The following AFF2 variants were observed in gnomAD, a reference collection of about 807,000 sequenced individuals.
AFF2 encodes the protein ALF transcription elongation factor 2.
Under a neutral mutation model 76.9 loss-of-function variants are expected in AFF2, and 14 were observed. That is an observed-to-expected ratio of 0.18 (90% CI 0.12 to 0.28). AFF2 has a LOEUF of 0.28. AFF2 is among the 10% of genes least tolerant of loss of function. The pLI, the probability that AFF2 is intolerant of heterozygous loss-of-function variation, is 1.00. For missense variants in AFF2, 868 were observed against 1,001.1 expected, an observed-to-expected ratio of 0.87 and a Z score of 1.79; for synonymous variants, 398 against 366.7, an observed-to-expected ratio of 1.09 and a Z score of -0.98.
chrX:148,815,646 T>A (rs1411644371), intron 4 of AFF2, among the ~76,000 whole-genome samples: 1 of 111,208 alleles, frequency 9.0e-6, no homozygotes, highest in Non-Finnish European at 1.9e-5. Flanking sequence ...GGTTTGCAGC[T>A]AATATATGAG....
chrX:148,694,063 G>A (rs897749722), intron 3 of AFF2, among the ~76,000 whole-genome samples: 6 of 106,775 alleles, frequency 5.6e-5, no homozygotes, highest in African/African-American at 1.7e-4. Context: ...GTAAACTATC[G>A]CAAGAACAAA....
At chrX:148,861,373 T>G (rs1455061847) in intron 7 of AFF2, among the ~76,000 whole-genome samples, 1 of 112,137 alleles carries the variant, frequency 8.9e-6, no homozygotes, top group Non-Finnish European at 1.9e-5. Context: ...ATATTTAGAT[T>G]CTCTTTTTCT....
intron 7 of AFF2, among the ~76,000 whole-genome samples, chrX:148,878,943 T>C (rs139943482): frequency 8.9e-6 from 1 of 112,049 alleles, no homozygotes; most frequent in East Asian, 2.8e-4. Context: ...ACTAAGAAAA[T>C]GAAAATCAAA....
At chrX:148,955,074 A>G (rs915510653) in intron 10 of AFF2, among the ~76,000 whole-genome samples, 2 of 112,987 alleles carry the variant, frequency 1.8e-5, no homozygotes, top group Non-Finnish European at 3.7e-5. Context: ...GTCCTTCAGT[A>G]AAAATACAAA....
At chrX:148,871,918 G>GA (rs1271559554) in intron 7 of AFF2, among the ~76,000 whole-genome samples, 1 of 111,079 alleles carries the variant, frequency 9.0e-6, no homozygotes, top group East Asian at 2.8e-4. Flanking sequence ...GATTAGGCAG[G>GA]AAAAAATAGC....
chrX:148,581,018 A>AACATGTGTATATACACACATATATAC (rs1402426571), intron 1 of AFF2, among the ~76,000 whole-genome samples: 1 of 46,270 alleles, frequency 2.2e-5, no homozygotes, highest in African/African-American at 7.8e-5. Context: ...CCTACACACA[A>AACATGTGTATATACACACATATATAC]ACATATGTGT....
intron 3 of AFF2, among the ~76,000 whole-genome samples, chrX:148,803,727 C>T (rs782152171): frequency 1.8e-5 from 2 of 111,599 alleles, no homozygotes; most frequent in Admixed American, 1.9e-4. Flanking sequence ...ATTAGGTACT[C>T]TCAGCTGATG....
chrX:148,825,569 T>C (rs888310354), intron 4 of AFF2, among the ~76,000 whole-genome samples: 47 of 94,655 alleles, frequency 5.0e-4, no homozygotes, highest in Admixed American at 2.3e-3. Flanking sequence ...TGTAAGCTCC[T>C]TTCATGTCTT....
chrX:148,652,254 T>G, intron 2 of AFF2, 123 bp downstream of exon 2: 1 of 554,736 alleles, frequency 1.8e-6, no homozygotes, highest in Admixed American at 3.5e-5. Flanking sequence ...CAAGTGAAAT[T>G]TGTACATACA....
At chrX:148,788,259 T>C (rs1037804355) in intron 3 of AFF2, among the ~76,000 whole-genome samples, 5 of 112,202 alleles carry the variant, frequency 4.5e-5, no homozygotes, top group Non-Finnish European at 7.5e-5. Context: ...ATTGGTTTCA[T>C]ACTAATTCTA....
chrX:148,966,264 C>A (rs181576324), intron 13 of AFF2, among the ~76,000 whole-genome samples: 88 of 111,596 alleles, frequency 7.9e-4, no homozygotes, highest in Non-Finnish European at 1.5e-3. Flanking sequence ...GATTAGAGTA[C>A]AATTTCCTAG....
chrX:148,945,209 G>T (rs781962623), intron 9 of AFF2, among the ~76,000 whole-genome samples: 235 of 111,649 alleles, frequency 2.1e-3, no homozygotes, highest in African/African-American at 7.2e-3. Context: ...TAAGTGAACT[G>T]CTGGTGTGGG....
At chrX:148,854,209 T>C (rs1186835250) in intron 7 of AFF2, among the ~76,000 whole-genome samples, 1 of 111,935 alleles carries the variant, frequency 8.9e-6, no homozygotes, top group Admixed American at 9.5e-5. Flanking sequence ...AAAGGTTGCA[T>C]ACAATTGTCA....
intron 1 of AFF2, among the ~76,000 whole-genome samples, chrX:148,504,334 C>T (rs1243311085): frequency 2.7e-5 from 3 of 110,328 alleles, no homozygotes; most frequent in East Asian, 2.8e-4. Context: ...CAGAAAGGGA[C>T]ACATTCTTAA....
At chrX:148,726,397 G>A (rs2055155529) in intron 3 of AFF2, among the ~76,000 whole-genome samples, 1 of 111,674 alleles carries the variant, frequency 9.0e-6, no homozygotes, top group Non-Finnish European at 1.9e-5. Context: ...TTGTCACGGA[G>A]GGGAAATTTC....
At chrX:148,560,229 C>T (rs1557240366) in intron 1 of AFF2, among the ~76,000 whole-genome samples, 1 of 111,193 alleles carries the variant, frequency 9.0e-6, no homozygotes, top group African/African-American at 3.3e-5. Flanking sequence ...ACTGAGGCCT[C>T]AGAAATAATG....
intron 8 of AFF2, among the ~76,000 whole-genome samples, chrX:148,898,449 G>A (rs7057255): frequency 0.039 from 4,349 of 112,145 alleles, 183 homozygotes; most frequent in African/African-American, 0.13. Flanking sequence ...GGTGGCAGTG[G>A]CCATAGTCCT....
At chrX:148,540,541 A>C (rs2052841823) in intron 1 of AFF2, among the ~76,000 whole-genome samples, 1 of 110,497 alleles carries the variant, frequency 9.1e-6, no homozygotes, top group Non-Finnish European at 1.9e-5. Flanking sequence ...CACAACAGGG[A>C]TTGTGCCTTA....
At chrX:148,935,468 A>G (rs1053808752) in intron 9 of AFF2, among the ~76,000 whole-genome samples, 6 of 111,262 alleles carry the variant, frequency 5.4e-5, no homozygotes, top group African/African-American at 2.0e-4. Flanking sequence ...CAAATTTCAT[A>G]TTCCTATCAT....
Sources: allele counts gnomAD v4.1 joint callset (sites outside exome capture counted in the v4.1 genomes callset), GRCh38; gene constraint gnomAD v4.1.1; transcripts MANE v1.5; gene names NCBI Gene and HGNC (gene_info 2026-07-23, HGNC 2026-07-21).